The following CMC4 variants were observed in gnomAD, a reference collection of about 807,000 sequenced individuals.
CMC4 encodes cx9C motif-containing protein 4.
In CMC4, 4 loss-of-function variants were observed where a neutral mutation model predicts 5.1. The observed-to-expected ratio is 0.78, with a 90% confidence interval of 0.38 to 1.78. CMC4 has a LOEUF of 1.78. Among genes scored for constraint, CMC4 ranks in the 40% most tolerant of loss-of-function variants. CMC4 has a pLI of 0.04. For missense variants in CMC4, 52 were observed against 51.3 expected, an observed-to-expected ratio of 1.01 and a Z score of -0.04; for synonymous variants, 23 against 18.9, an observed-to-expected ratio of 1.22 and a Z score of -0.57.
intron 1 of CMC4, among the ~76,000 whole-genome samples, chrX:155,070,490 AC>A (rs1313286170): frequency 8.9e-6 from 1 of 111,762 alleles, no homozygotes; most frequent in Non-Finnish European, 1.9e-5. Context: ...TATCATCGAG[AC>A]AAGGAGACCC....
intron 1 of CMC4, among the ~76,000 whole-genome samples, chrX:155,066,925 A>G (rs1008812549): frequency 4.5e-5 from 5 of 112,141 alleles, no homozygotes; most frequent in African/African-American, 1.3e-4. Context: ...GGCAAACTCT[A>G]TAACGATCCT....
chrX:155,066,548 T>C (rs782782959), intron 1 of CMC4, among the ~76,000 whole-genome samples: 1 of 112,708 alleles, frequency 8.9e-6, no homozygotes, highest in East Asian at 2.8e-4. Context: ...TATGCATGTC[T>C]TTCAGAGTTG....
At chrX:155,066,676 T>G (rs1315257835) in intron 1 of CMC4, among the ~76,000 whole-genome samples, 1 of 112,390 alleles carries the variant, frequency 8.9e-6, no homozygotes, top group Non-Finnish European at 1.9e-5. Context: ...GTAAGCTAGC[T>G]TCATGGAATT....
chrX:155,069,682 T>G (rs1374311189), intron 1 of CMC4, among the ~76,000 whole-genome samples: 1 of 111,940 alleles, frequency 8.9e-6, no homozygotes, highest in Non-Finnish European at 1.9e-5. Context: ...GCTTAGTATC[T>G]AGCATATAAT....
chrX:155,070,150 C>T (rs1198043134), intron 1 of CMC4, among the ~76,000 whole-genome samples: 2 of 111,515 alleles, frequency 1.8e-5, no homozygotes, highest in African/African-American at 3.3e-5. Context: ...GGATGGGGAC[C>T]CTATGTGTGG....
intron 1 of CMC4, chrX:155,065,842 C>T (rs1386587941): frequency 1.7e-6 from 2 of 1,195,921 alleles, no homozygotes; most frequent in Admixed American, 4.4e-5. Context: ...AATATTGAGA[C>T]TGGAATAGAA....
At chrX:155,068,855 T>C (rs1418066561) in intron 1 of CMC4, among the ~76,000 whole-genome samples, 2 of 112,565 alleles carry the variant, frequency 1.8e-5, no homozygotes, top group Non-Finnish European at 3.7e-5. Flanking sequence ...AACCTCAACA[T>C]AGACTTAGGT....
intron 1 of CMC4, among the ~76,000 whole-genome samples, chrX:155,070,079 C>T (rs1169906760): frequency 8.9e-6 from 1 of 112,240 alleles, no homozygotes; most frequent in Non-Finnish European, 1.9e-5. Flanking sequence ...GCCATGTGAT[C>T]CTTACAGATC....
chrX:155,069,816 C>T (rs1401254350), intron 1 of CMC4, among the ~76,000 whole-genome samples: 1 of 111,980 alleles, frequency 8.9e-6, no homozygotes, highest in Non-Finnish European at 1.9e-5. Flanking sequence ...TGACTACCGC[C>T]GATAACAAAC....
intron 1 of CMC4, 23 bp from the exon 2 acceptor site, chrX:155,064,056 T>A: frequency 8.6e-7 from 1 of 1,157,566 alleles, no homozygotes; most frequent in Admixed American, 2.7e-5. Context: ...AAATGATTTT[T>A]ATTTTTCTTT....
At chrX:155,063,173 A>G (rs1213558048) in intron 2 of CMC4, among the ~76,000 whole-genome samples, 1 of 112,388 alleles carries the variant, frequency 8.9e-6, no homozygotes, top group African/African-American at 3.2e-5. Context: ...TTTATAAAAT[A>G]TTGCTAACAT....
chrX:155,067,664 CT>C (rs1305025058), intron 1 of CMC4, among the ~76,000 whole-genome samples: 1 of 112,437 alleles, frequency 8.9e-6, no homozygotes, highest in Non-Finnish European at 1.9e-5. Flanking sequence ...ACAAAGTCAC[CT>C]TACACATTTG....
Position 155,066,205 on chromosome X carries a change from T to C in CMC4, c.-10-2172A>G, listed in dbSNP as rs782358279. 4 of 401,658 alleles carry C rather than the reference T, an allele frequency of 1.0e-5. No individual in the cohort carries two copies. In the African/African-American group the frequency reaches 1.0e-4, roughly 10 times the overall value. 33.1% of individuals were successfully genotyped at this position (401,658 alleles called of 1,213,427 possible). On this transcript the variant is annotated intron_variant, in intron 1 of 2. Coordinates refer to ENST00000369484, the MANE Select transcript of CMC4 (RefSeq NM_001018024.3). Reference sequence around the variant, plus strand: ...CAACCTAAATAGAACCAAGGACATCTGAAGCTTTCTGCAAGACAACTAAAG... The same window carrying C: ...CAACCTAAATAGAACCAAGGACATCCGAAGCTTTCTGCAAGACAACTAAAG...
At chrX:155,064,984 G>C (rs1245615575) in intron 1 of CMC4, 1 of 117,597 alleles carries the variant, frequency 8.5e-6, no homozygotes, top group Non-Finnish European at 1.8e-5. Context: ...GCAAATAAGC[G>C]ACAAATAGAT....
At chrX:155,064,842 G>A (rs946939885) in intron 1 of CMC4, 2 of 112,467 alleles carry the variant, frequency 1.8e-5, no homozygotes, top group Non-Finnish European at 3.7e-5. Context: ...TTTCATCAAT[G>A]CATATCTCTT....
chrX:155,064,143 G>A, intron 1 of CMC4, 110 bp from the exon 2 acceptor site: 9 of 441,197 alleles, frequency 2.0e-5, no homozygotes, highest in Non-Finnish European at 3.0e-5. Flanking sequence ...ACAATTGCTG[G>A]AAAATAATTA....
chrX:155,070,217 T>C (rs2073967039), intron 1 of CMC4, among the ~76,000 whole-genome samples: 1 of 111,830 alleles, frequency 8.9e-6, no homozygotes, highest in African/African-American at 3.3e-5. Context: ...ACACTTCAAG[T>C]AGCACCTTGG....
chrX:155,068,491 T>G (rs1310952480), intron 1 of CMC4, among the ~76,000 whole-genome samples: 1 of 111,952 alleles, frequency 8.9e-6, no homozygotes, highest in Non-Finnish European at 1.9e-5. Context: ...GAAAGACAAC[T>G]GCAGTGATCA....
chrX:155,067,209 A>G (rs1245631317), intron 1 of CMC4, among the ~76,000 whole-genome samples: 1 of 110,973 alleles, frequency 9.0e-6, no homozygotes, highest in Non-Finnish European at 1.9e-5. Context: ...CACCCATTAT[A>G]CCCTGAGTGC....
Sources: allele counts gnomAD v4.1 joint callset (sites outside exome capture counted in the v4.1 genomes callset), GRCh38; gene constraint gnomAD v4.1.1; transcripts MANE v1.5; gene names NCBI Gene and HGNC (gene_info 2026-07-23, HGNC 2026-07-21).